TTC34: variants seen among roughly 807,000 people sequenced by gnomAD.
TTC34 encodes tetratricopeptide repeat protein 34.
Under a neutral mutation model 40.7 loss-of-function variants are expected in TTC34, and 44 were observed. The observed-to-expected ratio is 1.08, with a 90% CI of 0.85 to 1.39. The LOEUF is 1.39. TTC34 is among the 40% of genes most tolerant of loss of function. TTC34 has a pLI of 0.00. For missense variants in TTC34, 884 were observed against 838.0 expected (o/e 1.05, Z -0.68); for synonymous variants, 422 against 398.6 (o/e 1.06, Z -0.70).
chr1:2,687,635 C>A (rs1454656963), intron 6 of TTC34, among the ~76,000 whole-genome samples: 5 of 150,708 alleles, frequency 3.3e-5, no homozygotes, highest in Admixed American at 6.6e-5. Flanking sequence ...TATCCTGGAA[C>A]AGCACCCACA....
chr1:2,749,521 G>T (rs1157044174), intron 6 of TTC34, among the ~76,000 whole-genome samples: 2 of 20,340 alleles, frequency 9.8e-5, no homozygotes, highest in Admixed American at 5.1e-4. Context: ...GCAGCACCCA[G>T]ATTCCCAGGC....
intron 6 of TTC34, among the ~76,000 whole-genome samples, chr1:2,683,911 C>A (rs368867805): frequency 1.3e-5 from 2 of 148,564 alleles, no homozygotes; most frequent in Non-Finnish European, 1.5e-5. Context: ...TCGGCACCCA[C>A]ACCTCCAGGT....
At chr1:2,653,798 C>A (rs796187330) in intron 6 of TTC34, among the ~76,000 whole-genome samples, 22 of 130,724 alleles carry the variant, frequency 1.7e-4, no homozygotes, top group East Asian at 1.0e-3. Flanking sequence ...CAGCCTGGAG[C>A]AGTGCCCACA....
chr1:2,767,816 A>T lies in TTC34; in HGVS notation c.2226+15793T>A, dbSNP rs558703419. ...GGGGCAGCACCCACACTCCCAGGTGAGCATCTGACAGCCTGGAGCAGCACC... is the reference window on the plus strand; with the variant it reads ...GGGGCAGCACCCACACTCCCAGGTGTGCATCTGACAGCCTGGAGCAGCACC... On this transcript the variant is annotated intron_variant, in intron 6 of 8. Coordinates refer to ENST00000401095, the Ensembl canonical transcript of TTC34. 4.1e-4 allele frequency among the ~76,000 whole-genome samples: 62 copies of T among 150,612 alleles called. 1 individual carries two copies. The highest frequency in any genetic ancestry group is 3.5e-3 in the Middle Eastern group (1 of 286).
intron 6 of TTC34, among the ~76,000 whole-genome samples, chr1:2,754,793 C>A (rs1248493092): frequency 0.087 from 10,786 of 123,350 alleles, 2 homozygotes; most frequent in South Asian, 0.16. Context: ...AGGTGAGCAT[C>A]TGACAGCCTG....
chr1:2,754,825 G>C (rs1641451304), intron 6 of TTC34, among the ~76,000 whole-genome samples: 4 of 151,436 alleles, frequency 2.6e-5, no homozygotes, highest in Admixed American at 6.6e-5. Context: ...ACACCCCCAG[G>C]TGAGCATCTG....
At chr1:2,683,096 GAGCAGCA>G (rs1306211019) in intron 6 of TTC34, among the ~76,000 whole-genome samples, 1 of 146,212 alleles carries the variant, frequency 6.8e-6, no homozygotes, top group African/African-American at 2.5e-5. Flanking sequence ...TGACAGCCTG[GAGCAGCA>G]TCCACACCCC....
At chr1:2,789,526 C>T (rs750517173) in exon 3 of TTC34, 5 of 1,502,036 alleles carry the variant, frequency 3.3e-6, no homozygotes, top group South Asian at 2.5e-5. Flanking sequence ...TGGGGCCGCC[C>T]GTCTCTGCGG....
chr1:2,641,487 G>C (rs1324324345), exon 9 of TTC34: 1 of 1,535,586 alleles, frequency 6.5e-7, no homozygotes, highest in Non-Finnish European at 8.7e-7. Flanking sequence ...GCCTCTGCGT[G>C]ACGCTGCTCC....
intron 3 of TTC34, 130 bp from the exon 4 acceptor site, chr1:2,787,836 C>T (rs923999021): frequency 2.4e-5 from 17 of 703,146 alleles, no homozygotes; most frequent in Middle Eastern, 4.1e-4. Context: ...GGGACCCTCA[C>T]GCCACACCAT....
At chr1:2,651,883 A>C (rs28433758) in intron 6 of TTC34, among the ~76,000 whole-genome samples, 11,023 of 152,004 alleles carry the variant, frequency 0.073, 928 homozygotes, top group African/African-American at 0.21. Context: ...ACAACTCACG[A>C]TTTTGGGTGA....
intron 6 of TTC34, among the ~76,000 whole-genome samples, chr1:2,652,468 T>G (rs1236684624): frequency 2.5e-3 from 225 of 90,486 alleles, no homozygotes; most frequent in Admixed American, 6.3e-3. Context: ...TCCGACAGCC[T>G]GGAGCAGAAC....
At chr1:2,697,552 A>G (rs1640923026) in intron 6 of TTC34, among the ~76,000 whole-genome samples, 1 of 152,170 alleles carries the variant, frequency 6.6e-6, no homozygotes, top group African/African-American at 2.4e-5. Flanking sequence ...GATGGCCTGG[A>G]ACCGCACCCA....
At chr1:2,779,332 C>CT (rs1050146041) in intron 6 of TTC34, among the ~76,000 whole-genome samples, 25 of 147,550 alleles carry the variant, frequency 1.7e-4, no homozygotes, top group South Asian at 4.2e-4. Context: ...TTTTTTTTTT[C>CT]TTTTTTTTGG....
In TTC34 at chr1:2,688,228, A is replaced by T. The variant is rs867183391; in HGVS notation, c.2227-42665T>A. Reference sequence around the variant, plus strand: ...CCACACCCCCAGGGGAGCATCCGACAGCCTGGAGCAGCACCCACACCCCCA... The same window carrying T: ...CCACACCCCCAGGGGAGCATCCGACTGCCTGGAGCAGCACCCACACCCCCA... On this transcript the variant is annotated intron_variant, in intron 6 of 8. Coordinates refer to ENST00000401095, the Ensembl canonical transcript of TTC34. 7.4e-4 allele frequency among the ~76,000 whole-genome samples: 98 copies of T among 133,242 alleles called. No homozygotes were observed. In the Middle Eastern group the frequency reaches 0.02, roughly 27 times the overall value. The allele number at this position is 133,242 out of a possible 152,430, so 87.4% of individuals were successfully genotyped here.
intron 5 of TTC34, among the ~76,000 whole-genome samples, chr1:2,785,017 G>GGCCGCTCTGA (rs1643560433): frequency 6.6e-6 from 1 of 152,204 alleles, no homozygotes; most frequent in South Asian, 2.1e-4. Flanking sequence ...GGCCGCTCTG[G>GGCCGCTCTGA]GCTGCATGCC....
chr1:2,688,008 C>G (rs1383592690), intron 6 of TTC34, among the ~76,000 whole-genome samples: 2 of 114,638 alleles, frequency 1.7e-5, no homozygotes, highest in African/African-American at 4.0e-5. Context: ...GACCCACACC[C>G]CCAGGCGAGC....
At chr1:2,754,727 C>CA (rs1641446449) in intron 6 of TTC34, among the ~76,000 whole-genome samples, 1 of 147,014 alleles carries the variant, frequency 6.8e-6, no homozygotes, top group Non-Finnish European at 1.5e-5. Flanking sequence ...CAGCCTGGAG[C>CA]AGCACCCACA....
chr1:2,773,171 C>A (rs868074574), intron 6 of TTC34, among the ~76,000 whole-genome samples: 79 of 139,980 alleles, frequency 5.6e-4, no homozygotes, highest in African/African-American at 1.9e-3. Context: ...TGGAGCAGCG[C>A]CCACACCCCC....
Sources: gnomAD v4.1 joint callset for allele counts (sites outside exome capture counted in the v4.1 genomes callset) on GRCh38, gnomAD v4.1.1 for gene constraint, MANE v1.5 for transcripts, NCBI Gene and HGNC (gene_info 2026-07-23, HGNC 2026-07-21) for gene names.